Variants in OR52N4 observed in about 807,000 individuals in gnomAD.
OR52N4 encodes the protein olfactory receptor 52N4.
A neutral mutation model predicts 15.0 loss-of-function variants in OR52N4; 15 were observed. The ratio of observed to expected loss-of-function variants is 1.00; its 90% CI spans 0.67 to 1.54. The LOEUF is 1.54. Ranked by LOEUF, OR52N4 falls within the 40% of genes most tolerant of loss-of-function variation. The pLI, the probability that OR52N4 is intolerant of heterozygous loss-of-function variation, is 0.00. For synonymous variants in OR52N4, 143 were observed against 143.7 expected (o/e 1.00, Z 0.03); for missense variants, 421 against 394.0 (o/e 1.07, Z -0.58).
chr11:5,737,892 C>T, the OR52N4 span: 7 of 163,600 alleles, frequency 4.3e-5, no homozygotes, highest in Non-Finnish European at 2.7e-5. Context: ...AACTTGGGAG[C>T]TGTAACTTGG....
At chr11:5,736,822 C>T in the OR52N4 span, 1 of 1,613,958 alleles carries the variant, frequency 6.2e-7, no homozygotes, top group Non-Finnish European at 8.5e-7. Flanking sequence ...AGGTTATTAG[C>T]CTCCCTGAGT....
chr11:5,734,111 T>C, the OR52N4 span: 6 of 454,210 alleles, frequency 1.3e-5, no homozygotes, highest in South Asian at 4.7e-5. Flanking sequence ...CTGTGCCACA[T>C]CTTAGCTGAC....
the OR52N4 span, chr11:5,727,391 C>G: frequency 3.3e-5 from 5 of 152,318 alleles, no homozygotes; most frequent in Non-Finnish European, 5.9e-5. Flanking sequence ...GGAGTTAAGA[C>G]CAAACAGATC....
chr11:5,754,826 T>C lies in OR52N4; in HGVS notation c.86T>C (p.Ile29Thr). 6.2e-7 allele frequency: 1 copy of C among 1,613,782 alleles called. No individual in the cohort carries two copies. The change falls in exon 2 of 2, where the codon ATT (isoleucine) becomes ACT (threonine). Residue 29 changes from isoleucine (I) to threonine (T), a missense_variant. Coordinates refer to ENST00000641350, the MANE Select transcript of OR52N4 (RefSeq NM_001005175.5). ...GGACTGGAAGACACACAACTCTGGA[T>C]TTCCTTCCCATTCTGCTCTATGTAT... ...VPGLEDTQLWISFPFCSMYVV... is the reference protein window; with the variant it reads ...VPGLEDTQLWTSFPFCSMYVV...
the OR52N4 span, among the ~76,000 whole-genome samples, chr11:5,740,263 G>C: frequency 1.6e-3 from 202 of 127,486 alleles, 42 homozygotes; most frequent in African/African-American, 5.2e-3. Context: ...CCTTGTGGAG[G>C]GAAATGCCCT....
the OR52N4 span, among the ~76,000 whole-genome samples, chr11:5,747,989 A>C: frequency 6.6e-6 from 1 of 152,062 alleles, no homozygotes; most frequent in African/African-American, 2.4e-5. Context: ...ATCAGGTAAG[A>C]AATGTCACAG....
chr11:5,744,128 C>T, the OR52N4 span, among the ~76,000 whole-genome samples: 19 of 152,144 alleles, frequency 1.2e-4, no homozygotes, highest in African/African-American at 3.6e-4. Context: ...CTAAAAAAGA[C>T]GGATAAATTC....
chr11:5,738,111 G>C, the OR52N4 span: 152,527 of 152,826 alleles, frequency 1, 76,116 homozygotes, highest in Middle Eastern at 1. Flanking sequence ...CAGATTTGCT[G>C]TCTGCCCTTT....
At chr11:5,729,313 G>C in the OR52N4 span, among the ~76,000 whole-genome samples, 5 of 151,372 alleles carry the variant, frequency 3.3e-5, no homozygotes, top group Non-Finnish European at 7.4e-5. Context: ...GTAGAGACGG[G>C]GTTTCACCGT....
the OR52N4 span, among the ~76,000 whole-genome samples, chr11:5,747,076 C>T: frequency 2.3e-4 from 1 of 4,410 alleles, no homozygotes; most frequent in African/African-American, 7.4e-4. Flanking sequence ...AGTAAAAATA[C>T]CAAAAAAAAA....
At chr11:5,737,484 G>T in the OR52N4 span, 6 of 1,607,770 alleles carry the variant, frequency 3.7e-6, no homozygotes, top group Non-Finnish European at 5.1e-6. Context: ...AAAGAAATAA[G>T]ATCTTAGAGA....
rs200603805 is a variant in OR52N4 at position 5,755,029 on chromosome 11, G to A, written c.289G>A (p.Asp97Asn). 6 of 1,613,970 alleles carry A rather than the reference G, an allele frequency of 3.7e-6. No homozygotes were observed. Among genetic ancestry groups the A allele is most frequent in the Admixed American group, 1.7e-5 (1 of 59,968 alleles). Reference protein sequence around the residue: ...FWFHLKDIGFDECLVQMFFTH... With the variant: ...FWFHLKDIGFNECLVQMFFTH... ...GTTTCATCTCAAGGACATTGGATTTGATGAATGCCTTGTCCAGATGTTCTT... is the reference window on the plus strand; with the variant it reads ...GTTTCATCTCAAGGACATTGGATTTAATGAATGCCTTGTCCAGATGTTCTT... Residue 97 changes from aspartate (D) to asparagine (N), a missense_variant, in exon 2 of 2, where the codon GAT becomes AAT. Physicochemically the swap from Asp to Asn is conservative, Grantham distance 23. Coordinates refer to ENST00000641350, the MANE Select transcript of OR52N4 (RefSeq NM_001005175.5).
chr11:5,747,216 G>A, the OR52N4 span, among the ~76,000 whole-genome samples: 168 of 151,916 alleles, frequency 1.1e-3, no homozygotes, highest in Non-Finnish European at 2.1e-3. Flanking sequence ...ATTAGTTCCA[G>A]CTATTTGGAA....
upstream of OR52N4, among the ~76,000 whole-genome samples, chr11:5,749,264 GT>G (rs1054379904): frequency 6.6e-6 from 1 of 151,946 alleles, no homozygotes; most frequent in African/African-American, 2.4e-5. Flanking sequence ...TTTATTTTCT[GT>G]AGTCAGCAAG....
At chr11:5,752,810 C>T (rs961711663), upstream of OR52N4, among the ~76,000 whole-genome samples, 2 of 152,118 alleles carry the variant, frequency 1.3e-5, no homozygotes, top group Non-Finnish European at 2.9e-5. Flanking sequence ...AGTTATCACT[C>T]TCTCTCACTT....
the OR52N4 span, among the ~76,000 whole-genome samples, chr11:5,735,838 T>C: frequency 6.6e-6 from 1 of 152,288 alleles, no homozygotes; most frequent in South Asian, 2.1e-4. Flanking sequence ...AAGGTTTTAG[T>C]TGTACAAGAT....
chr11:5,733,425 CT>C, the OR52N4 span, among the ~76,000 whole-genome samples: 1 of 152,052 alleles, frequency 6.6e-6, no homozygotes, highest in Non-Finnish European at 1.5e-5. Context: ...GATAAAAAGT[CT>C]TTTTTATCCC....
At chr11:5,752,393 T>G (rs1433419479), upstream of OR52N4, among the ~76,000 whole-genome samples, 1 of 152,178 alleles carries the variant, frequency 6.6e-6, no homozygotes, top group East Asian at 1.9e-4. Context: ...TGACTGTACT[T>G]CCTATCAGAT....
chr11:5,737,039 C>T, the OR52N4 span: 24 of 1,613,860 alleles, frequency 1.5e-5, no homozygotes, highest in East Asian at 2.2e-5. Context: ...TGCAGCACAG[C>T]GTGATTATTG....
Sources: gnomAD v4.1 joint callset for allele counts (sites outside exome capture counted in the v4.1 genomes callset) on GRCh38, gnomAD v4.1.1 for gene constraint, MANE v1.5 for transcripts, NCBI Gene and HGNC (gene_info 2026-07-23, HGNC 2026-07-21) for gene names.